Variants in PIP4K2A observed in about 807,000 individuals in gnomAD.
PIP4K2A encodes phosphatidylinositol 5-phosphate 4-kinase type-2 alpha.
Under a neutral mutation model 42.9 loss-of-function variants are expected in PIP4K2A, and 14 were observed. That is an observed-to-expected ratio of 0.33 (90% CI 0.22 to 0.51). The LOEUF is 0.51. Ranked by LOEUF, PIP4K2A falls within the 20% of genes least tolerant of loss-of-function variation. The pLI is 0.97. For missense variants in PIP4K2A, 434 were observed against 519.8 expected (o/e 0.83, Z 1.61); for synonymous variants, 192 against 192.2 (o/e 1.00, Z 0.01).
At chr10:22,680,789 A>G (rs762136598) in intron 1 of PIP4K2A, among the ~76,000 whole-genome samples, 8 of 152,198 alleles carry the variant, frequency 5.3e-5, no homozygotes, top group Admixed American at 2.0e-4. Flanking sequence ...TCAAAGAGTG[A>G]AGGACATGCC....
Position 22,581,062 on chromosome 10 carries a change from A to G in PIP4K2A, c.493-7605T>C, listed in dbSNP as rs148326008. Among the ~76,000 whole-genome samples the G allele has an allele frequency of 4.6e-3, 705 of 152,322 alleles. 10 individuals carry two copies. The highest frequency in any genetic ancestry group is 4.0e-3 in the Non-Finnish European group (271 of 68,028). The stretch of plus-strand genomic sequence containing the variant: ...CTCAGAAATTAAGAGCACACACCAG[A>G]TAAGTGGGCTTATTCTCCTGTGAGA... On this transcript the variant is annotated intron_variant, in intron 4 of 9. Coordinates refer to ENST00000376573, the MANE Select transcript of PIP4K2A (RefSeq NM_005028.5).
chr10:22,699,266 G>A (rs1833663906), intron 1 of PIP4K2A, among the ~76,000 whole-genome samples: 1 of 152,088 alleles, frequency 6.6e-6, no homozygotes. Context: ...TTATGAATGG[G>A]TTGTGTTCCA....
intron 1 of PIP4K2A, among the ~76,000 whole-genome samples, chr10:22,625,200 A>C (rs537865245): frequency 1.6e-4 from 24 of 152,370 alleles, no homozygotes; most frequent in African/African-American, 5.8e-4. Flanking sequence ...AAAGCCATTA[A>C]AACTGACAAT....
At chr10:22,649,105 G>T (rs1373648444) in intron 1 of PIP4K2A, among the ~76,000 whole-genome samples, 1 of 152,156 alleles carries the variant, frequency 6.6e-6, no homozygotes, top group African/African-American at 2.4e-5. Context: ...CAATTTATAA[G>T]AATAAAAATT....
chr10:22,658,035 G>A (rs1259393275), intron 1 of PIP4K2A, among the ~76,000 whole-genome samples: 4 of 152,094 alleles, frequency 2.6e-5, no homozygotes, highest in Admixed American at 6.6e-5. Context: ...CAGACAGGAA[G>A]AGAAACGTGT....
intron 4 of PIP4K2A, among the ~76,000 whole-genome samples, chr10:22,590,847 C>T (rs1837494140): frequency 6.6e-6 from 1 of 152,158 alleles, no homozygotes; most frequent in Non-Finnish European, 1.5e-5. Flanking sequence ...TTCAACCTGG[C>T]AACAGAGCAA....
At chr10:22,688,149 G>A (rs962873409) in intron 1 of PIP4K2A, among the ~76,000 whole-genome samples, 13 of 152,086 alleles carry the variant, frequency 8.5e-5, no homozygotes, top group Admixed American at 3.3e-4. Context: ...TATTAGAGAC[G>A]AGTAAAGGGT....
At chr10:22,537,542 T>C (rs947843423) in intron 9 of PIP4K2A, among the ~76,000 whole-genome samples, 3 of 152,152 alleles carry the variant, frequency 2.0e-5, no homozygotes, top group African/African-American at 7.2e-5. Context: ...ACCGGGGCTG[T>C]TGCAACTCAC....
chr10:22,619,122 A>G (rs1237041458), intron 1 of PIP4K2A, among the ~76,000 whole-genome samples: 2 of 152,162 alleles, frequency 1.3e-5, no homozygotes, highest in African/African-American at 2.4e-5. Context: ...TTTGGAAATA[A>G]TTTTTATAAT....
chr10:22,538,067 T>G (rs542098338), intron 9 of PIP4K2A, among the ~76,000 whole-genome samples: 10 of 152,360 alleles, frequency 6.6e-5, no homozygotes, highest in African/African-American at 2.2e-4. Context: ...CTGGCCAGTT[T>G]CCTGAGCTGC....
intron 1 of PIP4K2A, among the ~76,000 whole-genome samples, chr10:22,668,043 C>G (rs561153818): frequency 2.0e-5 from 3 of 152,144 alleles, no homozygotes; most frequent in African/African-American, 7.2e-5. Context: ...CCTCCGCCTC[C>G]CAGGTTCAAG....
chr10:22,567,860 G>A lies in PIP4K2A; in HGVS notation c.669C>T (p.Asp223=), dbSNP rs1416300959. Residue 223 remains aspartate, a synonymous_variant, in exon 6 of 10, where the codon GAC becomes GAT. Transcript: ENST00000376573. ...ACAGCAAGGTACTTACCTTTTCTTTGTCACTAGCTTCTCTAGCCACTGTAG... is the reference window on the plus strand; with the variant it reads ...ACAGCAAGGTACTTACCTTTTCTTTATCACTAGCTTCTCTAGCCACTGTAG... The part of the protein sequence containing the change: ...KGSTVAREAS[D]KEKAKELPTL... The A allele has an allele frequency of 6.2e-7, 1 of 1,613,512 alleles. No homozygotes were observed. Among genetic ancestry groups the A allele is most frequent in the Non-Finnish European group, 8.5e-7 (1 of 1,179,542 alleles).
chr10:22,617,863 T>C (rs556328847), intron 1 of PIP4K2A, among the ~76,000 whole-genome samples: 48 of 152,294 alleles, frequency 3.2e-4, no homozygotes, highest in Non-Finnish European at 6.5e-4. Context: ...AGGGCTCACT[T>C]TATCTCCCAA....
intron 4 of PIP4K2A, among the ~76,000 whole-genome samples, chr10:22,578,098 T>C (rs1837166099): frequency 6.6e-6 from 1 of 152,244 alleles, no homozygotes; most frequent in Admixed American, 6.5e-5. Context: ...ATGATGCAAA[T>C]GTGGTAAAAT....
At chr10:22,713,158 C>G (rs1833941497) in intron 1 of PIP4K2A, among the ~76,000 whole-genome samples, 1 of 152,220 alleles carries the variant, frequency 6.6e-6, no homozygotes, top group South Asian at 2.1e-4. Context: ...GTTTCCTGAT[C>G]CTATCGAAGT....
rs181745243 is a variant in PIP4K2A, at chr10:22,591,792, G to C, written c.340-11C>G. On this transcript the variant is annotated splice_polypyrimidine_tract_variant and intron_variant, in intron 3 of 9. Coordinates refer to ENST00000376573, the MANE Select transcript of PIP4K2A (RefSeq NM_005028.5). ...CCTGGTCAGGGAATTCTTCCCGGGT[G>C]GGGTAAGAGGGGAAGGAAGGCGGGG... The C allele has an allele frequency of 1.6e-5, 25 of 1,597,048 alleles. No homozygotes were observed. In the East Asian group the frequency reaches 3.6e-4, roughly 23 times the overall value.
At chr10:22,605,653 A>G (rs979309677) in intron 3 of PIP4K2A, among the ~76,000 whole-genome samples, 3 of 152,206 alleles carry the variant, frequency 2.0e-5, no homozygotes, top group Non-Finnish European at 4.4e-5. Flanking sequence ...GGAATCTAAC[A>G]AGATAAGATA....
At chr10:22,710,703 C>G (rs1261963829) in intron 1 of PIP4K2A, among the ~76,000 whole-genome samples, 2 of 152,190 alleles carry the variant, frequency 1.3e-5, no homozygotes, top group African/African-American at 4.8e-5. Context: ...CCCTCAATAC[C>G]TGACATTTTT....
intron 1 of PIP4K2A, among the ~76,000 whole-genome samples, chr10:22,704,367 T>C (rs1833771507): frequency 6.6e-6 from 1 of 151,916 alleles, no homozygotes; most frequent in Non-Finnish European, 1.5e-5. Flanking sequence ...GTTTCCTAGG[T>C]GTGCTGGAGG....
Sources: allele counts gnomAD v4.1 joint callset (sites outside exome capture counted in the v4.1 genomes callset), GRCh38; gene constraint gnomAD v4.1.1; transcripts MANE v1.5; gene names NCBI Gene and HGNC (gene_info 2026-07-23, HGNC 2026-07-21).